NLGN1: variants seen among roughly 807,000 people sequenced by gnomAD.
NLGN1 encodes neuroligin-1.
NLGN1 carries 12 observed loss-of-function variants against 65.5 expected under a neutral mutation model. That is an observed-to-expected ratio of 0.18 (90% CI 0.12 to 0.30). NLGN1 has a LOEUF of 0.30. Ranked by LOEUF, NLGN1 falls within the 10% of genes least tolerant of loss-of-function variation. The pLI is 1.00. For missense variants in NLGN1, 750 were observed against 1,007.1 expected (o/e 0.74, Z 3.46); for synonymous variants, 350 against 359.5 (o/e 0.97, Z 0.30).
intron 2 of NLGN1, among the ~76,000 whole-genome samples, chr3:173,557,872 C>T (rs1741971221): frequency 6.6e-6 from 1 of 152,042 alleles, no homozygotes; most frequent in Non-Finnish European, 1.5e-5. Flanking sequence ...CAAATTTCTA[C>T]CTGGCATCAG....
intron 4 of NLGN1, among the ~76,000 whole-genome samples, chr3:173,907,055 C>T (rs1738562514): frequency 2.0e-5 from 3 of 151,944 alleles, no homozygotes; most frequent in Admixed American, 2.0e-4. Flanking sequence ...TCCCAATCTC[C>T]CAGGCCTGGT....
the NLGN1 span, among the ~76,000 whole-genome samples, chr3:174,292,160 C>T: frequency 6.6e-6 from 1 of 151,098 alleles, no homozygotes; most frequent in Non-Finnish European, 1.5e-5. Flanking sequence ...CTTATTGTTT[C>T]GATTTTAAAG....
At chr3:174,194,371 C>A (rs1732967360) in intron 4 of NLGN1, among the ~76,000 whole-genome samples, 1 of 151,690 alleles carries the variant, frequency 6.6e-6, no homozygotes, top group Non-Finnish European at 1.5e-5. Flanking sequence ...AATCACTTAA[C>A]CTGGGAGGCG....
chr3:173,785,865 T>C (rs1282606267), intron 3 of NLGN1, among the ~76,000 whole-genome samples: 1 of 152,174 alleles, frequency 6.6e-6, no homozygotes, highest in Non-Finnish European at 1.5e-5. Flanking sequence ...CATTTCCATC[T>C]GTTGTGCCTC....
At chr3:173,885,456 G>C (rs1734156055) in intron 4 of NLGN1, among the ~76,000 whole-genome samples, 1 of 151,914 alleles carries the variant, frequency 6.6e-6, no homozygotes, top group African/African-American at 2.4e-5. Context: ...GTAAAGGCAA[G>C]GGAAACACTT....
chr3:174,210,653 T>TTA (rs1736291860), intron 4 of NLGN1, among the ~76,000 whole-genome samples: 1 of 152,182 alleles, frequency 6.6e-6, no homozygotes, highest in Non-Finnish European at 1.5e-5. Flanking sequence ...TTTCTACTGT[T>TTA]TTTCTTCTCC....
At chr3:173,723,687 C>A (rs1771257544) in intron 3 of NLGN1, among the ~76,000 whole-genome samples, 1 of 151,996 alleles carries the variant, frequency 6.6e-6, no homozygotes, top group African/African-American at 2.4e-5. Flanking sequence ...TTATAGTCAT[C>A]TAAATGTGGA....
chr3:173,954,911 A>C (rs1711595608), intron 4 of NLGN1, among the ~76,000 whole-genome samples: 1 of 152,168 alleles, frequency 6.6e-6, no homozygotes, highest in Non-Finnish European at 1.5e-5. Flanking sequence ...AAATGCATGA[A>C]ATCTCCATTA....
chr3:174,082,800 A>G (rs992849487), intron 4 of NLGN1, among the ~76,000 whole-genome samples: 3 of 151,926 alleles, frequency 2.0e-5, no homozygotes, highest in Non-Finnish European at 4.4e-5. Context: ...GGCTCACCAC[A>G]ACCTCCGCCT....
At chr3:174,149,046 C>T (rs905628171) in intron 4 of NLGN1, among the ~76,000 whole-genome samples, 3 of 152,154 alleles carry the variant, frequency 2.0e-5, no homozygotes, top group Non-Finnish European at 2.9e-5. Flanking sequence ...AATTAGGATA[C>T]TTTGATTTGC....
chr3:173,710,509 G>A (rs1768782048), intron 3 of NLGN1, among the ~76,000 whole-genome samples: 1 of 152,096 alleles, frequency 6.6e-6, no homozygotes, highest in African/African-American at 2.4e-5. Flanking sequence ...CTAAAAGCAA[G>A]TCATATTGTT....
At chr3:173,537,445 T>G (rs1425087336) in intron 2 of NLGN1, among the ~76,000 whole-genome samples, 3 of 151,910 alleles carry the variant, frequency 2.0e-5, no homozygotes, top group African/African-American at 7.3e-5. Flanking sequence ...ACATCTTACG[T>G]TACATGACAA....
intron 3 of NLGN1, among the ~76,000 whole-genome samples, chr3:173,790,543 C>G (rs564560446): frequency 2.0e-5 from 3 of 152,058 alleles, no homozygotes; most frequent in African/African-American, 7.2e-5. Flanking sequence ...TTCTGATTTA[C>G]GTTTAAAGAA....
chr3:173,832,451 T>G (rs1722788344), intron 4 of NLGN1, among the ~76,000 whole-genome samples: 1 of 152,244 alleles, frequency 6.6e-6, no homozygotes, highest in African/African-American at 2.4e-5. Context: ...TTTGTAGCCA[T>G]CCGAAGTCTT....
At chr3:174,067,358 T>C (rs941313176) in intron 4 of NLGN1, among the ~76,000 whole-genome samples, 2 of 152,190 alleles carry the variant, frequency 1.3e-5, no homozygotes, top group Admixed American at 6.5e-5. Context: ...TAATAACTTT[T>C]ATTTCTACCA....
In NLGN1 at chr3:174,154,175, C is replaced by T. The variant is rs1345545776; in HGVS notation, c.647-121140C>T. On this transcript the variant is annotated intron_variant, in intron 4 of 6. Transcript: ENST00000457714. The stretch of plus-strand genomic sequence containing the variant: ...TTTAAGAATAGCATTTTTTTCTTCT[C>T]AAAGTTGACGTCAGCAGAAGGCATC... Among the ~76,000 whole-genome samples, 3 of 151,830 alleles carry T rather than the reference C, an allele frequency of 2.0e-5. No homozygotes were observed. The East Asian group carries it at 5.8e-4, about 29-fold the overall frequency.
intron 3 of NLGN1, among the ~76,000 whole-genome samples, chr3:173,755,421 T>G (rs1560304703): frequency 6.6e-6 from 1 of 152,134 alleles, no homozygotes; most frequent in Non-Finnish European, 1.5e-5. Context: ...GTTTGCAATA[T>G]CTATATTTTT....
intron 2 of NLGN1, among the ~76,000 whole-genome samples, chr3:173,440,843 C>A (rs1197278524): frequency 1.3e-5 from 2 of 152,128 alleles, no homozygotes; most frequent in South Asian, 4.1e-4. Context: ...AACAAAAGAG[C>A]CAGTCTTTCT....
chr3:174,252,290 T>C (rs1213838615), intron 4 of NLGN1, among the ~76,000 whole-genome samples: 1 of 152,134 alleles, frequency 6.6e-6, no homozygotes, highest in African/African-American at 2.4e-5. Flanking sequence ...GTAGGTAGTT[T>C]CAATTACTAG....
Sources: gnomAD v4.1 joint callset for allele counts (sites outside exome capture counted in the v4.1 genomes callset) on GRCh38, gnomAD v4.1.1 for gene constraint, MANE v1.5 for transcripts, NCBI Gene and HGNC (gene_info 2026-07-23, HGNC 2026-07-21) for gene names.